Variants in AUTS2 observed in about 807,000 individuals in gnomAD.
AUTS2 encodes autism susceptibility gene 2 protein.
In AUTS2, 17 loss-of-function variants were observed where a neutral mutation model predicts 112.4. The ratio of observed to expected loss-of-function variants is 0.15; its 90% confidence interval spans 0.10 to 0.23. AUTS2 has a LOEUF of 0.23. Among genes scored for constraint, AUTS2 ranks in the 10% least tolerant of loss-of-function variants. AUTS2 has a pLI of 1.00. For missense variants in AUTS2, 1,510 were observed against 1,701.6 expected, an observed-to-expected ratio of 0.89 and a Z score of 1.98; for synonymous variants, 751 against 702.7, an observed-to-expected ratio of 1.07 and a Z score of -1.09.
At chr7:69,855,358 T>C (rs1792674058) in intron 1 of AUTS2, among the ~76,000 whole-genome samples, 1 of 152,192 alleles carries the variant, frequency 6.6e-6, no homozygotes, top group African/African-American at 2.4e-5. Context: ...CTAATAGAGA[T>C]CTGTTTGAGC....
chr7:69,938,258 G>A (rs1263496548), intron 2 of AUTS2, among the ~76,000 whole-genome samples: 1 of 152,116 alleles, frequency 6.6e-6, no homozygotes, highest in Non-Finnish European at 1.5e-5. Context: ...TCCAGGTGCT[G>A]TCTCCTTCTG....
chr7:70,524,188 TAG>T (rs1799749147), intron 5 of AUTS2, among the ~76,000 whole-genome samples: 1 of 152,026 alleles, frequency 6.6e-6, no homozygotes, highest in Non-Finnish European at 1.5e-5. Flanking sequence ...TTGTGTTAGG[TAG>T]AGAGAAAATA....
intron 1 of AUTS2, among the ~76,000 whole-genome samples, chr7:69,614,368 T>TTTCTTTTCTTTC: frequency 6.2e-4 from 12 of 19,496 alleles, no homozygotes; most frequent in African/African-American, 7.6e-4. Context: ...TTCTTTCTTT[T>TTTCTTTTCTTTC]TTTAAGAGAT....
At chr7:69,929,628 A>G (rs1216631725) in intron 2 of AUTS2, among the ~76,000 whole-genome samples, 2 of 152,180 alleles carry the variant, frequency 1.3e-5, no homozygotes, top group Non-Finnish European at 2.9e-5. Flanking sequence ...GCTATGTCAA[A>G]TCTGTTGTTA....
intron 5 of AUTS2, among the ~76,000 whole-genome samples, chr7:70,600,857 C>T (rs1279150106): frequency 6.6e-6 from 1 of 152,204 alleles, no homozygotes; most frequent in African/African-American, 2.4e-5. Flanking sequence ...ATCAGTACTC[C>T]ATTTCCTTCA....
intron 4 of AUTS2, among the ~76,000 whole-genome samples, chr7:70,402,378 T>A (rs1053431034): frequency 6.6e-6 from 1 of 152,252 alleles, no homozygotes; most frequent in African/African-American, 2.4e-5. Flanking sequence ...TGGGGTCAGC[T>A]GTCTCAGAAG....
intron 2 of AUTS2, among the ~76,000 whole-genome samples, chr7:70,088,586 CTTG>C (rs765217930): frequency 6.7e-6 from 1 of 148,410 alleles, no homozygotes; most frequent in Non-Finnish European, 1.5e-5. Flanking sequence ...TGAGACCCAC[CTTG>C]TTTGTTTGTT....
chr7:69,868,566 C>T (rs936615268), intron 1 of AUTS2, among the ~76,000 whole-genome samples: 1 of 152,260 alleles, frequency 6.6e-6, no homozygotes, highest in East Asian at 1.9e-4. Context: ...CTTCCTCAGA[C>T]CACATAAGTA....
intron 4 of AUTS2, among the ~76,000 whole-genome samples, chr7:70,252,162 G>A (rs1269258889): frequency 6.6e-6 from 1 of 152,064 alleles, no homozygotes; most frequent in Non-Finnish European, 1.5e-5. Context: ...TAAGACTACT[G>A]GATGATAATG....
At chr7:70,111,391 A>G (rs1805082299) in intron 2 of AUTS2, among the ~76,000 whole-genome samples, 1 of 152,192 alleles carries the variant, frequency 6.6e-6, no homozygotes, top group South Asian at 2.1e-4. Flanking sequence ...TTTCCTTTCT[A>G]TAATAAACTG....
At chr7:69,794,400 A>G (rs1475988078) in intron 1 of AUTS2, among the ~76,000 whole-genome samples, 1 of 152,176 alleles carries the variant, frequency 6.6e-6, no homozygotes, top group African/African-American at 2.4e-5. Flanking sequence ...TGGGAATGAT[A>G]TGGGAGAATT....
At chr7:69,703,357 T>G (rs1797908026) in intron 1 of AUTS2, among the ~76,000 whole-genome samples, 1 of 152,204 alleles carries the variant, frequency 6.6e-6, no homozygotes, top group East Asian at 1.9e-4. Context: ...TTAAGATGAC[T>G]CATGGAAGGA....
chr7:70,553,799 C>CAAAAA (rs1420542357), intron 5 of AUTS2, among the ~76,000 whole-genome samples: 12 of 110,440 alleles, frequency 1.1e-4, no homozygotes, highest in African/African-American at 4.0e-4. Context: ...CGGAGTCTTG[C>CAAAAA]TCTGTCGCCC....
At chr7:70,699,641 G>A (rs1809336330) in intron 6 of AUTS2, among the ~76,000 whole-genome samples, 1 of 152,198 alleles carries the variant, frequency 6.6e-6, no homozygotes, top group Admixed American at 6.5e-5. Flanking sequence ...AGGTGTATGT[G>A]ATTGCCGTTA....
chr7:70,408,675 G>T (rs1585111356), intron 4 of AUTS2, among the ~76,000 whole-genome samples: 1 of 152,186 alleles, frequency 6.6e-6, no homozygotes, highest in East Asian at 1.9e-4. Context: ...TCAGCAGGGA[G>T]CTGCTTGCTA....
At chr7:70,251,697 T>G (rs559347177) in intron 4 of AUTS2, among the ~76,000 whole-genome samples, 7 of 152,316 alleles carry the variant, frequency 4.6e-5, no homozygotes, top group African/African-American at 1.7e-4. Flanking sequence ...TAGCTTCCAG[T>G]TTGCTTGTTG....
At position 69,869,242 on chromosome 7, in the gene AUTS2, T is replaced by C. The variant is rs377626883; in HGVS notation, c.310-30044T>C. Among the ~76,000 whole-genome samples, 8 of 152,228 alleles carry C rather than the reference T, an allele frequency of 5.3e-5. No homozygotes were observed. The East Asian group carries it at 1.5e-3, about 29-fold the overall frequency. Reference sequence around the variant, plus strand: ...ATCAGTGTTTATTGAGCACCTATAATGTGCATTTTGTGAATACTGGATGAT... The same window carrying C: ...ATCAGTGTTTATTGAGCACCTATAACGTGCATTTTGTGAATACTGGATGAT... On this transcript the variant is annotated intron_variant, in intron 1 of 18. Transcript: ENST00000342771.
chr7:70,638,457 C>T (rs953931551), intron 5 of AUTS2, among the ~76,000 whole-genome samples: 4 of 152,186 alleles, frequency 2.6e-5, no homozygotes, highest in African/African-American at 9.7e-5. Context: ...CCAAACTTTG[C>T]CTCATCAAGT....
chr7:70,010,155 AT>A (rs964625878), intron 2 of AUTS2, among the ~76,000 whole-genome samples: 4 of 151,456 alleles, frequency 2.6e-5, no homozygotes, highest in Non-Finnish European at 5.9e-5. Context: ...TTTTTAATTA[AT>A]TTTTTTTGAG....
Sources: gnomAD v4.1 joint callset for allele counts (sites outside exome capture counted in the v4.1 genomes callset) on GRCh38, gnomAD v4.1.1 for gene constraint, MANE v1.5 for transcripts, NCBI Gene and HGNC (gene_info 2026-07-23, HGNC 2026-07-21) for gene names.